The following RYR2 variants were observed in gnomAD, a reference collection of about 807,000 sequenced individuals.
RYR2 encodes ryanodine receptor 2.
A neutral mutation model predicts 601.1 loss-of-function variants in RYR2; 227 were observed. The observed-to-expected ratio is 0.38, with a 90% confidence interval of 0.34 to 0.42. The LOEUF is 0.42. RYR2 is among the 10% of genes least tolerant of loss of function. The probability of loss-of-function intolerance (pLI) is 1.00; values close to 1 mark genes in which losing one functional copy is unlikely to be tolerated. For missense variants in RYR2, 4,646 were observed against 6,156.5 expected (o/e 0.75, Z 8.21); for synonymous variants, 2,223 against 2,175.1 (o/e 1.02, Z -0.61).
chr1:237,462,720 G>T (rs1255052039), intron 16 of RYR2, among the ~76,000 whole-genome samples: 1 of 152,130 alleles, frequency 6.6e-6, no homozygotes, highest in East Asian at 1.9e-4. Context: ...TCTCAAGGAG[G>T]CAGATCTCCC....
chr1:237,741,378 A>AT (rs1426598664), intron 79 of RYR2, among the ~76,000 whole-genome samples: 1 of 151,974 alleles, frequency 6.6e-6, no homozygotes, highest in Admixed American at 6.6e-5. Flanking sequence ...TGTAGCTTAT[A>AT]TTTCATTATC....
Position 237,548,575 on chromosome 1 carries a change from T to G in RYR2, c.3051T>G (p.Thr1017=). 6.2e-7 allele frequency: 1 copy of G among 1,613,842 alleles called. No individual in the cohort carries two copies. The highest frequency in any genetic ancestry group is 8.5e-7 in the Non-Finnish European group (1 of 1,179,818). Residue 1017 remains threonine, a synonymous_variant, in exon 26 of 105, where the codon ACT becomes ACG. Coordinates refer to ENST00000366574, the MANE Select transcript of RYR2 (RefSeq NM_001035.3). ...GGGATCGAATCCGGCAGGGCTGGAC[T>G]TATGGCATCCAACAGGTACATGGGA... The part of the protein sequence containing the change: ...WARDRIRQGW[T]YGIQQDVKNR...
chr1:237,130,399 G>T (rs529729462), intron 1 of RYR2, among the ~76,000 whole-genome samples: 16 of 152,124 alleles, frequency 1.1e-4, no homozygotes, highest in Non-Finnish European at 1.8e-4. Flanking sequence ...GGCTATTACA[G>T]GGCCTTATGT....
intron 34 of RYR2, among the ~76,000 whole-genome samples, chr1:237,597,278 G>T (rs549734053): frequency 2.0e-5 from 3 of 150,344 alleles, no homozygotes; most frequent in South Asian, 4.4e-4. Flanking sequence ...GTGAGGGGAG[G>T]GTAAAAGTCC....
In RYR2 at chr1:237,500,861, A is replaced by G. The variant is rs1572613741; in HGVS notation, c.2354A>G (p.Asp785Gly). The change falls in exon 21 of 105, where the codon GAT becomes GGT. Residue 785 changes from aspartate to glycine, a missense_variant. Physicochemically the swap from Asp to Gly is moderately conservative, Grantham distance 94. Coordinates refer to ENST00000366574, the MANE Select transcript of RYR2 (RefSeq NM_001035.3). ...GGAATGTTTGAGAATTTCAACATCG[A>G]TGGCCTCTTCTTTCCAGTCGTTAGT... ...VQGMFENFNI[D>G]GLFFPVVSFS... The G allele has an allele frequency of 6.2e-7, 1 of 1,613,906 alleles. No individual in the cohort carries two copies. The highest frequency in any genetic ancestry group is 8.5e-7 in the Non-Finnish European group (1 of 1,179,908).
intron 1 of RYR2, among the ~76,000 whole-genome samples, chr1:237,181,191 C>T (rs1275681907): frequency 6.6e-6 from 1 of 152,030 alleles, no homozygotes; most frequent in East Asian, 1.9e-4. Flanking sequence ...ACCATTTTGC[C>T]CAGGCTGGTC....
intron 1 of RYR2, among the ~76,000 whole-genome samples, chr1:237,145,125 C>T (rs148613963): frequency 3.3e-5 from 5 of 151,754 alleles, no homozygotes; most frequent in African/African-American, 9.7e-5. Flanking sequence ...ATGTAGATGA[C>T]GGGTTGATGG....
chr1:237,344,826 G>A (rs1213143951), intron 3 of RYR2, among the ~76,000 whole-genome samples: 1 of 151,284 alleles, frequency 6.6e-6, no homozygotes, highest in Non-Finnish European at 1.5e-5. Flanking sequence ...TTTATTTTTT[G>A]AGACAGAGTC....
intron 8 of RYR2, among the ~76,000 whole-genome samples, chr1:237,380,404 A>G (rs1701397067): frequency 2.8e-5 from 1 of 35,616 alleles, no homozygotes; most frequent in Non-Finnish European, 5.6e-5. Flanking sequence ...ATATATATAT[A>G]TATATATATA....
At chr1:237,395,013 A>G (rs1396875130) in intron 10 of RYR2, among the ~76,000 whole-genome samples, 7 of 152,290 alleles carry the variant, frequency 4.6e-5, no homozygotes, top group African/African-American at 1.7e-4. Flanking sequence ...GTGAGAACTC[A>G]CTATCACAAG....
intron 1 of RYR2, among the ~76,000 whole-genome samples, chr1:237,117,418 G>A (rs563988860): frequency 3.9e-5 from 6 of 152,040 alleles, no homozygotes; most frequent in Admixed American, 6.5e-5. Flanking sequence ...AAATATGGTC[G>A]TAATTTGGAG....
intron 69 of RYR2, among the ~76,000 whole-genome samples, 170 bp downstream of exon 69, chr1:237,709,268 A>G (rs1474586561): frequency 6.6e-6 from 1 of 152,226 alleles, no homozygotes; most frequent in African/African-American, 2.4e-5. Context: ...ACACCTTAAA[A>G]TCAAAGTTGG....
chr1:237,753,454 C>A (rs1692696553), intron 80 of RYR2, among the ~76,000 whole-genome samples: 1 of 152,096 alleles, frequency 6.6e-6, no homozygotes, highest in African/African-American at 2.4e-5. Flanking sequence ...TAACCAAAAG[C>A]AAATCATGAT....
rs1197164975 is a variant in RYR2, at chr1:237,356,123, A to C, written c.294+138A>C. ...CTAACTGCTTCGTTGTAATGAACAC[A>C]TGTTTTACAGGTCTCTAATGAGAAC... On this transcript the variant is annotated intron_variant, in intron 4 of 104. Coordinates refer to ENST00000366574, the MANE Select transcript of RYR2 (RefSeq NM_001035.3). 14 of 739,424 alleles carry C rather than the reference A, an allele frequency of 1.9e-5. No individual in the cohort carries two copies. In the Admixed American group the frequency reaches 3.6e-4, roughly 19 times the overall value. 45.8% of individuals were successfully genotyped at this position (739,424 alleles called of 1,614,324 possible). A position where few individuals can be genotyped will look rare whatever the true frequency, so the allele number is the denominator to read the frequency against.
At chr1:237,654,248 G>T (rs374579597) in intron 51 of RYR2, 26 bp from the exon 52 acceptor site, 6 of 1,610,460 alleles carry the variant, frequency 3.7e-6, no homozygotes, top group Non-Finnish European at 4.2e-6. Context: ...ATAGCTCATT[G>T]CTTTTATAAT....
intron 84 of RYR2, among the ~76,000 whole-genome samples, chr1:237,762,850 C>A (rs1693536848): frequency 6.6e-6 from 1 of 152,130 alleles, no homozygotes; most frequent in South Asian, 2.1e-4. Context: ...TCCCCATTTC[C>A]TTTTCTTTCG....
intron 94 of RYR2, 60 bp downstream of exon 94, chr1:237,792,383 G>GCA: frequency 6.1e-6 from 4 of 660,360 alleles, no homozygotes; most frequent in East Asian, 3.2e-5. Flanking sequence ...GTGTGTGTGC[G>GCA]TGTGTGTGTG....
intron 1 of RYR2, among the ~76,000 whole-genome samples, chr1:237,107,325 T>G (rs1217743220): frequency 6.6e-6 from 1 of 151,034 alleles, no homozygotes; most frequent in Non-Finnish European, 1.5e-5. Flanking sequence ...ATCGAGACCA[T>G]CCTGGCTAAC....
chr1:237,409,422 AT>A (rs1317360555), intron 10 of RYR2, among the ~76,000 whole-genome samples: 2 of 151,950 alleles, frequency 1.3e-5, no homozygotes, highest in African/African-American at 4.8e-5. Flanking sequence ...ATGATCAATG[AT>A]TTTTTTCTTT....
Sources: allele counts gnomAD v4.1 joint callset (sites outside exome capture counted in the v4.1 genomes callset), GRCh38; gene constraint gnomAD v4.1.1; transcripts MANE v1.5; gene names NCBI Gene and HGNC (gene_info 2026-07-23, HGNC 2026-07-21).